ADAMTS19: variants seen among roughly 807,000 people sequenced by gnomAD.
ADAMTS19 encodes A disintegrin and metalloproteinase with thrombospondin motifs 19.
ADAMTS19 carries 93 observed loss-of-function variants against 153.3 expected under a neutral mutation model. The ratio of observed to expected loss-of-function variants is 0.61; its 90% CI spans 0.51 to 0.72. The LOEUF (loss-of-function observed/expected upper bound fraction) is 0.72. ADAMTS19 is among the 30% of genes least tolerant of loss of function. ADAMTS19 has a pLI of 0.00. For missense variants in ADAMTS19, 1,482 were observed against 1,552.1 expected (o/e 0.95, Z 0.76); for synonymous variants, 600 against 556.6 (o/e 1.08, Z -1.10).
chr5:129,476,277 G>A (rs1260131672), intron 2 of ADAMTS19, among the ~76,000 whole-genome samples: 1 of 152,100 alleles, frequency 6.6e-6, no homozygotes, highest in African/African-American at 2.4e-5. Flanking sequence ...GGATTTATGA[G>A]AACAAGTAAT....
At chr5:129,680,752 ACT>A (rs1754766776) in intron 17 of ADAMTS19, among the ~76,000 whole-genome samples, 1 of 140,454 alleles carries the variant, frequency 7.1e-6, no homozygotes, top group African/African-American at 2.8e-5. Context: ...ACAGAGGGAG[ACT>A]CTGTCTCAAA....
intron 2 of ADAMTS19, among the ~76,000 whole-genome samples, chr5:129,472,862 A>C (rs989426588): frequency 4.0e-5 from 6 of 151,202 alleles, no homozygotes; most frequent in African/African-American, 1.5e-4. Flanking sequence ...TCAGAAATAC[A>C]AGAAGAAATA....
intron 8 of ADAMTS19, among the ~76,000 whole-genome samples, chr5:129,601,544 C>T (rs113958597): frequency 6.6e-6 from 1 of 152,036 alleles, no homozygotes; most frequent in Non-Finnish European, 1.5e-5. Flanking sequence ...TAGCATAACT[C>T]AGAAAACTCA....
At chr5:129,661,279 A>G (rs1753803137) in intron 15 of ADAMTS19, among the ~76,000 whole-genome samples, 1 of 152,216 alleles carries the variant, frequency 6.6e-6, no homozygotes, top group South Asian at 2.1e-4. Context: ...CATATTTGCA[A>G]TTATCAGCAT....
intron 11 of ADAMTS19, among the ~76,000 whole-genome samples, chr5:129,644,862 T>G (rs750498264): frequency 2.6e-4 from 40 of 152,330 alleles, no homozygotes; most frequent in Admixed American, 4.6e-4. Flanking sequence ...TTTCCCAAAT[T>G]GAGAATCTTG....
intron 15 of ADAMTS19, among the ~76,000 whole-genome samples, chr5:129,663,163 G>C (rs1321823750): frequency 6.6e-6 from 1 of 151,862 alleles, no homozygotes; most frequent in Non-Finnish European, 1.5e-5. Context: ...AAAAGTGCTG[G>C]GATTATAGGC....
chr5:129,573,773 T>G (rs1753996174), intron 7 of ADAMTS19, among the ~76,000 whole-genome samples: 1 of 152,142 alleles, frequency 6.6e-6, no homozygotes, highest in African/African-American at 2.4e-5. Context: ...ATTTTTCTCT[T>G]CTCAAGATTC....
chr5:129,669,494 T>C (rs1219602726), intron 16 of ADAMTS19, among the ~76,000 whole-genome samples: 1 of 152,098 alleles, frequency 6.6e-6, no homozygotes. Context: ...TTGAGTCTTG[T>C]CTTTTCTTTT....
At chr5:129,475,414 TA>T (rs1347068983) in intron 2 of ADAMTS19, among the ~76,000 whole-genome samples, 2 of 152,254 alleles carry the variant, frequency 1.3e-5, no homozygotes, top group Non-Finnish European at 2.9e-5. Context: ...TTGAACTACT[TA>T]TACTGTTGTT....
intron 19 of ADAMTS19, among the ~76,000 whole-genome samples, chr5:129,700,289 T>C (rs1755772679): frequency 6.6e-6 from 1 of 152,172 alleles, no homozygotes; most frequent in Non-Finnish European, 1.5e-5. Flanking sequence ...TGAGAGCCTG[T>C]AAAATGGAGT....
intron 6 of ADAMTS19, among the ~76,000 whole-genome samples, chr5:129,539,064 A>T (rs1301379821): frequency 6.6e-6 from 1 of 152,040 alleles, no homozygotes. Flanking sequence ...TCACTTTACG[A>T]TTATGTCTGG....
At chr5:129,649,719 C>CTG (rs2127044732) in intron 13 of ADAMTS19, among the ~76,000 whole-genome samples, 1 of 152,240 alleles carries the variant, frequency 6.6e-6, no homozygotes, top group South Asian at 2.1e-4. Flanking sequence ...GTACAAATGC[C>CTG]AGTTTCCTGG....
chr5:129,630,169 A>G (rs900675452), intron 10 of ADAMTS19, among the ~76,000 whole-genome samples: 1 of 152,110 alleles, frequency 6.6e-6, no homozygotes, highest in Admixed American at 6.6e-5. Context: ...CTTGAAGCCA[A>G]TGCACAGACT....
intron 14 of ADAMTS19, among the ~76,000 whole-genome samples, chr5:129,658,325 GAAAGAAA>G (rs1753649904): frequency 9.3e-6 from 1 of 107,302 alleles, no homozygotes; most frequent in Non-Finnish European, 2.0e-5. Context: ...AAGAAAGAAA[GAAAGAAA>G]GAAAGAAAGA....
rs569533213 is a variant in ADAMTS19, at chr5:129,460,436, C to T, written c.45C>T (p.Cys15=). Residue 15 remains cysteine, a synonymous_variant, in exon 1 of 23, where the codon TGC becomes TGT. Coordinates refer to ENST00000274487, the MANE Select transcript of ADAMTS19 (RefSeq NM_133638.6). ...REMRLTHICC[C]CLLYQLGFLS... is the part of the protein sequence containing the mutation. ...TGCGCCTGACTCACATCTGCTGCTG[C>T]TGCCTCCTTTACCAGCTGGGGTTCC... The T allele has an allele frequency of 1.9e-6, 3 of 1,614,152 alleles. No individual in the cohort carries two copies. The South Asian group carries it at 3.3e-5, about 18-fold the overall frequency.
chr5:129,719,509 T>G (rs1264372323), intron 21 of ADAMTS19, among the ~76,000 whole-genome samples: 1 of 152,202 alleles, frequency 6.6e-6, no homozygotes, highest in Non-Finnish European at 1.5e-5. Context: ...ACTTTGGCAT[T>G]TTACCATGGA....
chr5:129,730,433 G>A (rs535178946), intron 21 of ADAMTS19, among the ~76,000 whole-genome samples: 2 of 152,088 alleles, frequency 1.3e-5, no homozygotes, highest in Non-Finnish European at 2.9e-5. Context: ...GTAGATTCAT[G>A]TTCATGACAT....
At chr5:129,734,074 A>G (rs1757562998) in intron 21 of ADAMTS19, among the ~76,000 whole-genome samples, 1 of 151,928 alleles carries the variant, frequency 6.6e-6, no homozygotes, top group African/African-American at 2.4e-5. Flanking sequence ...TAAGTGAAAT[A>G]ACTCAGAAAC....
intron 21 of ADAMTS19, among the ~76,000 whole-genome samples, chr5:129,717,738 T>C (rs1048010792): frequency 1.3e-5 from 2 of 152,184 alleles, no homozygotes; most frequent in South Asian, 2.1e-4. Flanking sequence ...TTCTCCTGAA[T>C]TGGCAAATAC....
Sources: allele counts gnomAD v4.1 joint callset (sites outside exome capture counted in the v4.1 genomes callset), GRCh38; gene constraint gnomAD v4.1.1; transcripts MANE v1.5; gene names NCBI Gene and HGNC (gene_info 2026-07-23, HGNC 2026-07-21).